Variants in LRRC4C observed in about 807,000 individuals in gnomAD.
The protein encoded by LRRC4C is leucine-rich repeat-containing protein 4C.
Under a neutral mutation model 33.6 loss-of-function variants are expected in LRRC4C, and 5 were observed. The observed-to-expected ratio is 0.15, with a 90% CI of 0.08 to 0.31. LRRC4C has a LOEUF of 0.31. Among genes scored for constraint, LRRC4C ranks in the 10% least tolerant of loss-of-function variants. The pLI is 1.00. For missense variants in LRRC4C, 560 were observed against 796.7 expected (o/e 0.70, Z 3.58); for synonymous variants, 329 against 302.0 (o/e 1.09, Z -0.93).
chr11:40,218,618 G>GATCTATCTATCTATCTATCTATCTATC (rs1554977102), intron 5 of LRRC4C, among the ~76,000 whole-genome samples: 1 of 141,886 alleles, frequency 7.0e-6, no homozygotes, highest in Non-Finnish European at 1.5e-5. Flanking sequence ...ATGTATGTAT[G>GATCTATCTATCTATCTATCTATCTATC]TATGTATGTA....
chr11:40,186,319 G>C (rs894682159), intron 5 of LRRC4C, among the ~76,000 whole-genome samples: 1 of 152,068 alleles, frequency 6.6e-6, no homozygotes, highest in Non-Finnish European at 1.5e-5. Context: ...TGACTCTCCT[G>C]TCTCCCAAAT....
intron 1 of LRRC4C, among the ~76,000 whole-genome samples, chr11:41,248,076 C>T (rs1948511212): frequency 6.6e-6 from 1 of 152,136 alleles, no homozygotes; most frequent in African/African-American, 2.4e-5. Context: ...GTGGATGAAA[C>T]AGTAGAGTCA....
In LRRC4C at chr11:40,441,130, C is replaced by T. The variant is rs532740680; in HGVS notation, c.-269-121409G>A. 3.3e-5 allele frequency among the ~76,000 whole-genome samples: 5 copies of T among 152,190 alleles called. No homozygotes were observed. In the East Asian group the frequency reaches 5.8e-4, roughly 18 times the overall value. ...TTGGGTTTGATGTCAGTGTAGTCTT[C>T]GGGAATCAGTCCCTCATCCAGTTCT... On this transcript the variant is annotated intron_variant, in intron 3 of 6. Coordinates refer to ENST00000528697, the MANE Select transcript of LRRC4C (RefSeq NM_001258419.2).
intron 1 of LRRC4C, among the ~76,000 whole-genome samples, chr11:41,345,497 A>G (rs2137515546): frequency 6.6e-6 from 1 of 152,366 alleles, no homozygotes; most frequent in Middle Eastern, 3.4e-3. Flanking sequence ...CTAAACTGCC[A>G]GTATTATTAG....
At chr11:40,132,825 G>A (rs1248923867) in intron 6 of LRRC4C, among the ~76,000 whole-genome samples, 1 of 152,056 alleles carries the variant, frequency 6.6e-6, no homozygotes, top group Non-Finnish European at 1.5e-5. Context: ...TTCTCGGGAT[G>A]CACAATAGGC....
At chr11:40,680,070 T>A (rs1409303634) in intron 2 of LRRC4C, among the ~76,000 whole-genome samples, 1 of 152,204 alleles carries the variant, frequency 6.6e-6, no homozygotes, top group African/African-American at 2.4e-5. Context: ...CAGTGTGATC[T>A]GTTTATGAGA....
intron 3 of LRRC4C, among the ~76,000 whole-genome samples, chr11:40,349,490 G>T (rs1208707795): frequency 6.6e-6 from 1 of 151,986 alleles, no homozygotes. Context: ...CACTTCGGTT[G>T]CTTCCAAATC....
rs1422749318 is a variant in LRRC4C at position 40,116,125 on chromosome 11, C to G, written c.168G>C (p.Gln56His). ...TCCGAACACAAATCACCTTGCTGAA[C>G]TGGTTGCTGCAGGAGCACACAGAAG... ...TCPSVCSCSNQFSKVICVRKN... is the reference protein window; with the variant it reads ...TCPSVCSCSNHFSKVICVRKN... Residue 56 changes from glutamine to histidine, a missense_variant, in exon 7 of 7, where the codon CAG becomes CAC. Transcript: ENST00000528697. The G allele has an allele frequency of 1.9e-6, 3 of 1,614,054 alleles. No homozygotes were observed. Among genetic ancestry groups the G allele is most frequent in the Admixed American group, 1.7e-5 (1 of 60,010 alleles).
chr11:41,085,520 A>T (rs1388927561), intron 1 of LRRC4C, among the ~76,000 whole-genome samples: 3 of 152,144 alleles, frequency 2.0e-5, no homozygotes, highest in African/African-American at 7.2e-5. Flanking sequence ...TAATAATAAT[A>T]TAACTATCAC....
intron 2 of LRRC4C, among the ~76,000 whole-genome samples, chr11:40,672,642 A>C (rs1234118086): frequency 6.6e-6 from 1 of 152,152 alleles, no homozygotes; most frequent in African/African-American, 2.4e-5. Flanking sequence ...AAGCTTTTTC[A>C]GATACACGAA....
chr11:40,739,203 A>G (rs928545048), intron 2 of LRRC4C, among the ~76,000 whole-genome samples: 1 of 151,874 alleles, frequency 6.6e-6, no homozygotes, highest in Admixed American at 6.6e-5. Context: ...TTTAATCACC[A>G]TCTCCTCATT....
At chr11:41,010,995 C>T (rs1000994487) in intron 1 of LRRC4C, among the ~76,000 whole-genome samples, 4 of 152,126 alleles carry the variant, frequency 2.6e-5, no homozygotes, top group Non-Finnish European at 5.9e-5. Context: ...TGTTTCAGCC[C>T]TCTGTCTGGC....
rs143522093 is a variant in LRRC4C, at chr11:40,154,141, A to G, written c.-95-13288T>C. ...GGGGCCCTATCTTCACCCTTCTCAA[A>G]CAAAACAATTATCAGCCAAGAATTT... On this transcript the variant is annotated intron_variant, in intron 5 of 6. Coordinates refer to ENST00000528697, the MANE Select transcript of LRRC4C (RefSeq NM_001258419.2). 2.6e-5 allele frequency among the ~76,000 whole-genome samples: 4 copies of G among 152,290 alleles called. No homozygotes were observed. In the East Asian group the frequency reaches 5.8e-4, roughly 22 times the overall value.
At chr11:40,212,535 ATGTTATAT>A (rs1863680087) in intron 5 of LRRC4C, among the ~76,000 whole-genome samples, 1 of 152,176 alleles carries the variant, frequency 6.6e-6, no homozygotes, top group African/African-American at 2.4e-5. Flanking sequence ...TATAAATGAA[ATGTTATAT>A]CTCTTCCAAT....
At chr11:40,700,091 G>C (rs1945794654) in intron 2 of LRRC4C, among the ~76,000 whole-genome samples, 1 of 152,068 alleles carries the variant, frequency 6.6e-6, no homozygotes, top group Non-Finnish European at 1.5e-5. Flanking sequence ...ACTTTTGAAT[G>C]TTTCAATTTC....
chr11:40,795,217 C>A (rs1275752267), intron 2 of LRRC4C, among the ~76,000 whole-genome samples: 1 of 152,118 alleles, frequency 6.6e-6, no homozygotes, highest in Non-Finnish European at 1.5e-5. Context: ...TCTCCACATC[C>A]ATATATGCTA....
chr11:41,169,591 C>T (rs1944879134), intron 1 of LRRC4C, among the ~76,000 whole-genome samples: 1 of 152,090 alleles, frequency 6.6e-6, no homozygotes, highest in Non-Finnish European at 1.5e-5. Context: ...TTTTATTTTC[C>T]ATGATTCTAT....
chr11:41,308,665 C>T (rs1194700105), intron 1 of LRRC4C, among the ~76,000 whole-genome samples: 1 of 152,038 alleles, frequency 6.6e-6, no homozygotes, highest in Non-Finnish European at 1.5e-5. Flanking sequence ...GCCCAGCTCC[C>T]CTATGCATGC....
At chr11:41,323,174 C>T (rs551827800) in intron 1 of LRRC4C, among the ~76,000 whole-genome samples, 2 of 152,172 alleles carry the variant, frequency 1.3e-5, no homozygotes, top group South Asian at 4.1e-4. Context: ...CATTATATTT[C>T]TTTTAATCTA....
Sources: gnomAD v4.1 joint callset for allele counts (sites outside exome capture counted in the v4.1 genomes callset) on GRCh38, gnomAD v4.1.1 for gene constraint, MANE v1.5 for transcripts, NCBI Gene and HGNC (gene_info 2026-07-23, HGNC 2026-07-21) for gene names.